DENND10: variants seen among roughly 807,000 people sequenced by gnomAD.
DENND10 encodes the protein DENN domain-containing protein 10.
In DENND10, 24 loss-of-function variants were observed where a neutral mutation model predicts 43.6. The observed-to-expected ratio is 0.55, with a 90% CI of 0.40 to 0.77. The LOEUF is 0.77. DENND10 is among the 30% of genes least tolerant of loss of function. DENND10 has a pLI of 0.00. For missense variants in DENND10, 303 were observed against 429.9 expected, an observed-to-expected ratio of 0.70 and a Z score of 2.61; for synonymous variants, 125 against 157.6, an observed-to-expected ratio of 0.79 and a Z score of 1.55.
chr10:119,118,680 T>C (rs1845411104), intron 4 of DENND10, among the ~76,000 whole-genome samples: 1 of 152,048 alleles, frequency 6.6e-6, no homozygotes, highest in South Asian at 2.1e-4. Context: ...GACTTTTTTT[T>C]TTCCTTTTGA....
intron 6 of DENND10, 101 bp from the exon 7 acceptor site, chr10:119,129,414 C>T: frequency 1.4e-6 from 1 of 717,636 alleles, no homozygotes. Context: ...ATGAATAAAG[C>T]AGTGAAAGAG....
rs200495809 is a variant in DENND10, at chr10:119,123,538, C to T, written c.663C>T (p.Ala221=). 6.8e-6 allele frequency: 11 copies of T among 1,613,110 alleles called. No homozygotes were observed. Among genetic ancestry groups the T allele is most frequent in the South Asian group, 3.3e-5 (3 of 91,072 alleles). The part of the protein sequence containing the change: ...TILHSYVHLN[A]DELEALQMCT... ...TTCACTCTTACGTGCACCTCAACGC[C>T]GATGAGCTGGAAGCCCTGCAGATGT... Residue 221 remains alanine, a synonymous_variant, in exon 6 of 9, where the codon GCC becomes GCT. Coordinates refer to ENST00000361432, the MANE Select transcript of DENND10 (RefSeq NM_207009.4).
In DENND10 at chr10:119,124,412, G is replaced by A. The variant is rs550240389; in HGVS notation, c.694+843G>A. On this transcript the variant is annotated intron_variant, in intron 6 of 8. Coordinates refer to ENST00000361432, the MANE Select transcript of DENND10 (RefSeq NM_207009.4). ...AAAAATTAGCCGGGTGTGGTGGTGG[G>A]TGCCTGTAGTCCCAGCTACTCGGGA... is the stretch of plus-strand genomic sequence containing the variant. Among the ~76,000 whole-genome samples the A allele has an allele frequency of 2.0e-3, 303 of 149,780 alleles. 1 individual carries two copies. Among genetic ancestry groups the A allele is most frequent in the African/African-American group, 7.1e-3 (287 of 40,704 alleles).
Position 119,132,662 on chromosome 10 carries a change from T to A in DENND10, c.897+53T>A. 1 of 1,448,254 alleles carries A rather than the reference T, an allele frequency of 6.9e-7. No individual in the cohort carries two copies. Among genetic ancestry groups the A allele is most frequent in the Non-Finnish European group, 9.7e-7 (1 of 1,028,594 alleles). The allele number at this position is 1,448,254 out of a possible 1,614,324, so 89.7% of individuals were successfully genotyped here. A position where few individuals can be genotyped will look rare whatever the true frequency, so the allele number is the denominator to read the frequency against. ...AAAGTCCTGACCCGGTGTCGCTGGG[T>A]GGTGTGCGGCAGAGCTGTGCACATA... On this transcript the variant is annotated intron_variant, in intron 8 of 8. Coordinates refer to ENST00000361432, the MANE Select transcript of DENND10 (RefSeq NM_207009.4). The surrounding 1 kb of genome is among the most constrained non-coding windows in gnomAD (Gnocchi z 4.2).
At position 119,136,855 on chromosome 10, in the gene DENND10, T is replaced by G. The variant is rs560173146; in HGVS notation, c.*208T>G. ...CCTCGCTGATTAGCTTCCTGCCTGC[T>G]GTCAGTGCTGGACGAAGTGCTATAA... On this transcript the variant is annotated 3_prime_UTR_variant, in exon 9 of 9. Coordinates refer to ENST00000361432, the MANE Select transcript of DENND10 (RefSeq NM_207009.4). The G allele has an allele frequency of 1.1e-5, 5 of 453,984 alleles. No homozygotes were observed. Among genetic ancestry groups the G allele is most frequent in the Non-Finnish European group, 2.0e-5 (5 of 245,584 alleles). The allele number at this position is 453,984 out of a possible 1,614,324, so 28.1% of individuals were successfully genotyped here.
At chr10:119,113,261 C>T (rs111252464) in intron 3 of DENND10, among the ~76,000 whole-genome samples, 250 of 150,504 alleles carry the variant, frequency 1.7e-3, no homozygotes, top group Non-Finnish European at 3.1e-3. Flanking sequence ...ATGATCATAG[C>T]TCACTGTAAC....
intron 4 of DENND10, among the ~76,000 whole-genome samples, chr10:119,118,199 GTATTTCCT>G (rs1845391432): frequency 6.6e-6 from 1 of 151,962 alleles, no homozygotes; most frequent in Admixed American, 6.6e-5. Flanking sequence ...TTTAACCCCC[GTATTTCCT>G]TATTGAGTTA....
In DENND10 at chr10:119,108,257, G is replaced by A. The variant is rs113222526; in HGVS notation, c.252+93G>A. ...CCCAGCACTTTGGGAGGCTGAGGTC[G>A]GCAGATCACAAGGTCAAGAGATTCA... On this transcript the variant is annotated intron_variant, in intron 2 of 8. Coordinates refer to ENST00000361432, the MANE Select transcript of DENND10 (RefSeq NM_207009.4). 1.5e-4 allele frequency: 130 copies of A among 870,698 alleles called. No homozygotes were observed. In the African/African-American group the frequency reaches 1.6e-3, roughly 11 times the overall value. 53.9% of individuals were successfully genotyped at this position (870,698 alleles called of 1,614,324 possible). A position where few individuals can be genotyped will look rare whatever the true frequency, so the allele number is the denominator to read the frequency against.
In DENND10 at chr10:119,115,473, C is replaced by T. The variant is rs1361586435; in HGVS notation, c.333-2046C>T. 9.5e-5 allele frequency among the ~76,000 whole-genome samples: 10 copies of T among 105,474 alleles called. No individual in the cohort carries two copies. The East Asian group carries it at 1.2e-3, about 13-fold the overall frequency. The allele number at this position is 105,474 out of a possible 152,430, so 69.2% of individuals were successfully genotyped here. On this transcript the variant is annotated intron_variant, in intron 3 of 8. Transcript: ENST00000361432. Reference sequence around the variant, plus strand: ...CGGGATCTCGGCTCACTGCAAGCTCCGCCTCCCGGGTTCACGCCATTCTCC... The same window carrying T: ...CGGGATCTCGGCTCACTGCAAGCTCTGCCTCCCGGGTTCACGCCATTCTCC...
At chr10:119,113,703 AG>A (rs1402661527) in intron 3 of DENND10, among the ~76,000 whole-genome samples, 5 of 149,172 alleles carry the variant, frequency 3.4e-5, no homozygotes, top group South Asian at 2.1e-4. Flanking sequence ...AAAAAAAAAA[AG>A]AGAAAAACTC....
chr10:119,116,760 C>T (rs1845303770), intron 3 of DENND10, among the ~76,000 whole-genome samples: 1 of 150,834 alleles, frequency 6.6e-6, no homozygotes, highest in South Asian at 2.1e-4. Flanking sequence ...CCTCTGCCTC[C>T]CTGGTTCAAG....
At chr10:119,135,587 C>A (rs181438457) in intron 8 of DENND10, among the ~76,000 whole-genome samples, 2 of 151,982 alleles carry the variant, frequency 1.3e-5, no homozygotes, top group East Asian at 3.9e-4. Context: ...CTTATATGAG[C>A]TATCTAGAGC....
At chr10:119,108,534 T>C (rs1403275091) in intron 2 of DENND10, among the ~76,000 whole-genome samples, 1 of 151,824 alleles carries the variant, frequency 6.6e-6, no homozygotes, top group Non-Finnish European at 1.5e-5. Flanking sequence ...TCATTGGGAA[T>C]ACTCTGTTTC....
chr10:119,118,469 T>A (rs1456456974), intron 4 of DENND10, among the ~76,000 whole-genome samples: 1 of 152,178 alleles, frequency 6.6e-6, no homozygotes, highest in Non-Finnish European at 1.5e-5. Flanking sequence ...GCCACAGACT[T>A]CAGGGTCCCT....
intron 4 of DENND10, 46 bp downstream of exon 4, chr10:119,117,713 A>T (rs1845361170): frequency 6.9e-6 from 11 of 1,598,062 alleles, no homozygotes; most frequent in Non-Finnish European, 9.4e-6. Flanking sequence ...CACGCCTGTA[A>T]TCCCAACACT....
intron 3 of DENND10, among the ~76,000 whole-genome samples, chr10:119,112,778 A>T (rs1333588278): frequency 6.6e-6 from 1 of 151,376 alleles, no homozygotes; most frequent in Non-Finnish European, 1.5e-5. Context: ...TATAGGCGTG[A>T]TGAAACTCTT....
At chr10:119,105,380 C>T (rs1332531132) in intron 1 of DENND10, 4 of 217,658 alleles carry the variant, frequency 1.8e-5, no homozygotes, top group Middle Eastern at 5.5e-4. Flanking sequence ...CTCCACCTCC[C>T]AGGCCCAAAC....
intron 6 of DENND10, among the ~76,000 whole-genome samples, chr10:119,129,123 G>T (rs962592599): frequency 6.6e-6 from 1 of 152,098 alleles, no homozygotes; most frequent in Non-Finnish European, 1.5e-5. Flanking sequence ...AACCCTTAAA[G>T]ATGATGCCAT....
At chr10:119,120,125 G>A (rs1022893744) in intron 4 of DENND10, among the ~76,000 whole-genome samples, 2 of 151,856 alleles carry the variant, frequency 1.3e-5, no homozygotes, top group Admixed American at 6.6e-5. Context: ...GTGTGTGCCT[G>A]TAATCCCAGC....
Sources: allele counts gnomAD v4.1 joint callset (sites outside exome capture counted in the v4.1 genomes callset), GRCh38; gene constraint gnomAD v4.1.1; non-coding constraint Gnocchi (gnomAD v3.1); transcripts MANE v1.5; gene names NCBI Gene and HGNC (gene_info 2026-07-23, HGNC 2026-07-21).